Variants in TCOF1 observed in about 807,000 individuals in gnomAD.
TCOF1 encodes the protein treacle protein.
TCOF1 carries 33 observed loss-of-function variants against 149.0 expected under a neutral mutation model. The observed-to-expected ratio is 0.22, with a 90% confidence interval of 0.17 to 0.30. TCOF1 has a LOEUF of 0.30. Among genes scored for constraint, TCOF1 ranks in the 10% least tolerant of loss-of-function variants. TCOF1 has a pLI of 1.00. For synonymous variants in TCOF1, 789 were observed against 738.8 expected (o/e 1.07, Z -1.10); for missense variants, 1,728 against 1,840.7 (o/e 0.94, Z 1.12).
At position 150,379,573 on chromosome 5, in the gene TCOF1, G is replaced by A; in HGVS notation, c.2700G>A (p.Leu900=). The A allele has an allele frequency of 1.2e-6, 2 of 1,614,142 alleles. No homozygotes were observed. Among genetic ancestry groups the A allele is most frequent in the Non-Finnish European group, 1.7e-6 (2 of 1,180,030 alleles). The change falls in exon 17 of 27, where the codon TTG becomes TTA. Residue 900 remains leucine (L), a synonymous_variant. Transcript: ENST00000643257. ...AGACCCACCAGATCAGAGCTGCCTTGGCTCCTGCCAAGGAGTCCCCCAGGA... is the reference window on the plus strand; with the variant it reads ...AGACCCACCAGATCAGAGCTGCCTTAGCTCCTGCCAAGGAGTCCCCCAGGA... ...SGKTHQIRAA[L]APAKESPRKG... is the part of the protein sequence containing the mutation.
rs1768526999 is a variant in TCOF1, at chr5:150,396,427, C to T, written c.3930C>T (p.Ala1310=). The T allele has an allele frequency of 6.2e-7, 1 of 1,613,928 alleles. No individual in the cohort carries two copies. The highest frequency in any genetic ancestry group is 1.7e-5 in the Admixed American group (1 of 60,008). The change falls in exon 24 of 27, where the codon GCC becomes GCT. Residue 1310 remains alanine (A), a synonymous_variant. Transcript: ENST00000643257. ...GCCAACCCTGGCCCCTGAATGAGGC[C>T]CAGGTGCAGGCCTCAGTGGTGAAGG... ...LLGQPWPLNE[A]QVQASVVKVL...
rs981545723 is a variant in TCOF1 at position 150,387,320 on chromosome 5, C to T, written c.2860-582C>T. On this transcript the variant is annotated intron_variant, in intron 17 of 26. Transcript: ENST00000643257. The stretch of plus-strand genomic sequence containing the variant: ...ACCCACTCACCCAACCCTTGTTTCT[C>T]TTGTGCATTTTTTTGTTGAAGAAAC... Among the ~76,000 whole-genome samples, 3 of 152,166 alleles carry T rather than the reference C, an allele frequency of 2.0e-5. No individual in the cohort carries two copies. The East Asian group carries it at 5.8e-4, about 29-fold the overall frequency.
intron 5 of TCOF1, 57 bp downstream of exon 5, chr5:150,368,959 G>T (rs149016823): frequency 1.3e-6 from 2 of 1,592,368 alleles, no homozygotes; most frequent in African/African-American, 2.7e-5. Flanking sequence ...GGTGAGGCAG[G>T]CCTAGGCATT....
rs754709076 is a variant in TCOF1, at chr5:150,396,849, G to A, written c.4345+7G>A. On this transcript the variant is annotated splice_region_variant and intron_variant, in intron 24 of 26. Coordinates refer to ENST00000643257, the MANE Select transcript of TCOF1 (RefSeq NM_001371623.1). ...AAGAAGAAATCCGACAAGAGTGAGT[G>A]ACCGCTTCTCCCAGCCCACCCCAAG... 1 of 1,587,002 alleles carries A rather than the reference G, an allele frequency of 6.3e-7. No individual in the cohort carries two copies. The highest frequency in any genetic ancestry group is 1.1e-5 in the South Asian group (1 of 87,436).
chr5:150,384,031 C>A, intron 17 of TCOF1: 5 of 1,369,544 alleles, frequency 3.7e-6, no homozygotes, highest in Non-Finnish European at 4.7e-6. Flanking sequence ...CACCTCAGAG[C>A]ACCAGCTCCC....
chr5:150,377,587 T>C (rs1764106256), intron 14 of TCOF1, among the ~76,000 whole-genome samples: 1 of 152,196 alleles, frequency 6.6e-6, no homozygotes, highest in African/African-American at 2.4e-5. Context: ...AGAGCACACA[T>C]TTCTACTGAT....
chr5:150,358,205 C>G (rs937110096), intron 1 of TCOF1, among the ~76,000 whole-genome samples: 101 of 152,170 alleles, frequency 6.6e-4, no homozygotes, highest in African/African-American at 2.2e-3. Context: ...CGCGGCCCCC[C>G]CTGGGGCAAG....
Position 150,396,674 on chromosome 5 carries a change from A to G in TCOF1, c.4177A>G (p.Arg1393Gly). Residue 1393 changes from arginine to glycine, a missense_variant, in exon 24 of 27, where the codon AGA becomes GGA. Coordinates refer to ENST00000643257, the MANE Select transcript of TCOF1 (RefSeq NM_001371623.1). Reference sequence around the variant, plus strand: ...CACGACTTCCAAGGGGAAAGCAAAGAGAGACAAAGCAAGTGGTGATGTCAA... The same window carrying G: ...CACGACTTCCAAGGGGAAAGCAAAGGGAGACAAAGCAAGTGGTGATGTCAA... ...TSTTSKGKAK[R>G]DKASGDVKEK... The G allele has an allele frequency of 6.2e-7, 1 of 1,612,388 alleles. No homozygotes were observed. Among genetic ancestry groups the G allele is most frequent in the East Asian group, 2.2e-5 (1 of 44,838 alleles).
At position 150,379,422 on chromosome 5, in the gene TCOF1, A is replaced by C; in HGVS notation, c.2658+14A>C. The C allele has an allele frequency of 6.2e-7, 1 of 1,613,044 alleles. No homozygotes were observed. Among genetic ancestry groups the C allele is most frequent in the Non-Finnish European group, 8.5e-7 (1 of 1,179,792 alleles). The stretch of plus-strand genomic sequence containing the variant: ...ACGCTGGCTCAGGTGAGGGGGAGGG[A>C]ATGGAGATCATCCCCTACATGGGAT... On this transcript the variant is annotated intron_variant, in intron 16 of 26. Transcript: ENST00000643257.
rs749263695 is a variant in TCOF1, at chr5:150,392,034, C to T, written c.3375C>T (p.Leu1125=). The T allele has an allele frequency of 6.8e-6, 11 of 1,614,254 alleles. No homozygotes were observed. In the South Asian group the frequency reaches 1.2e-4, roughly 18 times the overall value. Residue 1125 remains leucine (L), a synonymous_variant, in exon 21 of 27, where the codon CTC becomes CTT. Coordinates refer to ENST00000643257, the MANE Select transcript of TCOF1 (RefSeq NM_001371623.1). ...TSVQAKGTNK[L]RKPKLPEVQQ... ...TCCAGGCCAAAGGGACCAACAAGCT[C>T]AGAAAACCTAAGCTTCCTGAGGTCC... is the stretch of plus-strand genomic sequence containing the variant.
chr5:150,375,633 C>T, intron 11 of TCOF1, 79 bp downstream of exon 11: 1 of 1,611,680 alleles, frequency 6.2e-7, no homozygotes, highest in Non-Finnish European at 8.5e-7. Context: ...CAACCTCACA[C>T]TGGGACTCTG....
At chr5:150,380,070 CAAA>C (rs1224924833) in intron 17 of TCOF1, 216 of 98,010 alleles carry the variant, frequency 2.2e-3, no homozygotes, top group South Asian at 7.1e-3. Context: ...GAGACTGTCT[CAAA>C]AAAAAAAAAA....
chr5:150,395,914 C>T (rs1480515168), intron 23 of TCOF1, among the ~76,000 whole-genome samples: 2 of 152,170 alleles, frequency 1.3e-5, no homozygotes, highest in Admixed American at 1.3e-4. Context: ...GACCTAGAAC[C>T]CAGGTCTCCT....
In TCOF1 at chr5:150,379,733, G is replaced by A. The variant is rs760036030; in HGVS notation, c.2859+1G>A. ...ACCGGCAGCTGTGACCTCTGCCCAG[G>A]TAAGACTTGCCAGGCCTCTGAGCCA... On this transcript the variant is annotated splice_donor_variant, in intron 17 of 26. Transcript: ENST00000643257. LOFTEE classifies it high-confidence loss of function. 2.5e-6 allele frequency: 4 copies of A among 1,613,736 alleles called. No individual in the cohort carries two copies. Among genetic ancestry groups the A allele is most frequent in the Non-Finnish European group, 3.4e-6 (4 of 1,179,860 alleles).
In TCOF1 at chr5:150,379,575, C is replaced by T. The variant is rs1377718350; in HGVS notation, c.2702C>T (p.Ala901Val). 1 of 1,614,040 alleles carries T rather than the reference C, an allele frequency of 6.2e-7. No homozygotes were observed. Among genetic ancestry groups the T allele is most frequent in the East Asian group, 2.2e-5 (1 of 44,876 alleles). The stretch of plus-strand genomic sequence containing the variant: ...ACCCACCAGATCAGAGCTGCCTTGG[C>T]TCCTGCCAAGGAGTCCCCCAGGAAA... The part of the protein sequence containing the change: ...GKTHQIRAAL[A>V]PAKESPRKGA... The change falls in exon 17 of 27, where the codon GCT (alanine) becomes GTT (valine). Residue 901 changes from alanine to valine, a missense_variant. Transcript: ENST00000643257.
intron 17 of TCOF1, chr5:150,383,192 T>G: frequency 6.5e-7 from 1 of 1,527,120 alleles, no homozygotes; most frequent in Non-Finnish European, 8.8e-7. Context: ...GCCTTCTCTC[T>G]GCAGATGCTG....
At chr5:150,359,648 C>G (rs1162545337) in intron 1 of TCOF1, among the ~76,000 whole-genome samples, 4 of 152,214 alleles carry the variant, frequency 2.6e-5, no homozygotes, top group African/African-American at 7.2e-5. Context: ...CTGAACCTCA[C>G]TTGCTCTTCC....
Position 150,376,423 on chromosome 5 carries a change from G to A in TCOF1, c.2143G>A (p.Ala715Thr). The change falls in exon 14 of 27, where the codon GCA becomes ACA. Residue 715 changes from alanine to threonine, a missense_variant and splice_region_variant. Physicochemically the swap from Ala to Thr is moderately conservative, Grantham distance 58. Coordinates refer to ENST00000643257, the MANE Select transcript of TCOF1 (RefSeq NM_001371623.1). ...ACCTCTCTTCCCCTTGTCATCCCAG[G>A]CAAAGTCTGTGGGGAAAGGCCTCCA... ...KTGLAVTVGQ[A>T]KSVGKGLQVK... The A allele has an allele frequency of 6.2e-7, 1 of 1,614,142 alleles. No individual in the cohort carries two copies. The highest frequency in any genetic ancestry group is 8.5e-7 in the Non-Finnish European group (1 of 1,179,988).
chr5:150,367,485 G>A (rs1408862422), intron 3 of TCOF1: 9 of 320,682 alleles, frequency 2.8e-5, no homozygotes. Flanking sequence ...CAGGGCTACA[G>A]TGTGGTGGCC....
Sources: allele counts gnomAD v4.1 joint callset (sites outside exome capture counted in the v4.1 genomes callset), GRCh38; gene constraint gnomAD v4.1.1; transcripts MANE v1.5; gene names NCBI Gene and HGNC (gene_info 2026-07-23, HGNC 2026-07-21).